The following RBFOX1 variants were observed in gnomAD, a reference collection of about 807,000 sequenced individuals.
The protein encoded by RBFOX1 is RNA binding fox-1 homolog 1, also known as RNA binding protein fox-1 homolog 1.
Under a neutral mutation model 57.7 loss-of-function variants are expected in RBFOX1, and 8 were observed. The observed-to-expected ratio is 0.14, with a 90% CI of 0.08 to 0.25. RBFOX1 has a LOEUF of 0.25. Ranked by LOEUF, RBFOX1 falls within the 10% of genes least tolerant of loss-of-function variation. The pLI is 1.00. For synonymous variants in RBFOX1, 326 were observed against 222.4 expected (o/e 1.47, Z -4.15); for missense variants, 611 against 548.5 (o/e 1.11, Z -1.14).
chr16:5,709,717 A>G (rs1299058880), intron 3 of RBFOX1, among the ~76,000 whole-genome samples: 7 of 144,622 alleles, frequency 4.8e-5, no homozygotes, highest in Non-Finnish European at 7.6e-5. Flanking sequence ...ATTCTATGGT[A>G]TATATATATA....
intron 5 of RBFOX1, among the ~76,000 whole-genome samples, chr16:7,536,670 A>C (rs1395343013): frequency 4.6e-5 from 7 of 152,248 alleles, no homozygotes; most frequent in Admixed American, 3.9e-4. Flanking sequence ...TAGGACAGAC[A>C]GCAGATGTGG....
intron 5 of RBFOX1, among the ~76,000 whole-genome samples, chr16:7,525,116 CTATCTT>C (rs553872348): frequency 6.9e-4 from 105 of 152,318 alleles, no homozygotes; most frequent in Non-Finnish European, 9.6e-4. Context: ...TCCTCTATCT[CTATCTT>C]TATCTCCCTC....
At chr16:5,343,543 G>C (rs960028149) in intron 1 of RBFOX1, among the ~76,000 whole-genome samples, 1 of 151,362 alleles carries the variant, frequency 6.6e-6, no homozygotes, top group African/African-American at 2.4e-5. Context: ...GGATGGTCTT[G>C]ATATCCTGTC....
chr16:7,393,209 C>G (rs1438375218), intron 4 of RBFOX1, among the ~76,000 whole-genome samples: 1 of 152,072 alleles, frequency 6.6e-6, no homozygotes, highest in African/African-American at 2.4e-5. Flanking sequence ...TGCATATAGT[C>G]AATGGTTCTG....
intron 2 of RBFOX1, among the ~76,000 whole-genome samples, chr16:6,335,776 C>CAAAAAAAAAAAAAAAAAAAA (rs57151962): frequency 2.0e-5 from 1 of 50,950 alleles, no homozygotes; most frequent in African/African-American, 5.6e-5. Flanking sequence ...AGACTGTCTC[C>CAAAAAAAAAAAAAAAAAAAA]AAAAAAAAAA....
chr16:5,893,947 G>A (rs1305665195), intron 4 of RBFOX1, among the ~76,000 whole-genome samples: 1 of 152,156 alleles, frequency 6.6e-6, no homozygotes, highest in African/African-American at 2.4e-5. Flanking sequence ...GTCATTCTAA[G>A]GATAATTTAG....
At chr16:7,630,718 A>T (rs773735802) in intron 11 of RBFOX1, 35 bp downstream of exon 11, 1 of 1,612,446 alleles carries the variant, frequency 6.2e-7, no homozygotes. Context: ...TTGTTTTGTG[A>T]CATAAATCTG....
chr16:7,699,218 C>T (rs1038585679), intron 14 of RBFOX1, among the ~76,000 whole-genome samples: 7 of 152,294 alleles, frequency 4.6e-5, no homozygotes, highest in Non-Finnish European at 7.4e-5. Flanking sequence ...GATAGGGTCT[C>T]TGTCATCCAG....
intron 2 of RBFOX1, among the ~76,000 whole-genome samples, chr16:6,537,437 ACACT>A (rs962007695): frequency 2.0e-5 from 3 of 152,240 alleles, no homozygotes; most frequent in Non-Finnish European, 4.4e-5. Context: ...GTATTATTTA[ACACT>A]CACAACAGTA....
chr16:6,391,446 C>G (rs933722688), intron 2 of RBFOX1, among the ~76,000 whole-genome samples: 4 of 150,110 alleles, frequency 2.7e-5, no homozygotes, highest in Non-Finnish European at 4.4e-5. Context: ...GGAGGTGGAG[C>G]TTGCAGTGAG....
chr16:6,800,109 T>A (rs550433992), intron 3 of RBFOX1, among the ~76,000 whole-genome samples: 1 of 152,188 alleles, frequency 6.6e-6, no homozygotes, highest in Non-Finnish European at 1.5e-5. Context: ...GATTGTCTTA[T>A]GCAGATGTAT....
intron 3 of RBFOX1, among the ~76,000 whole-genome samples, chr16:6,833,722 C>G (rs111405712): frequency 0.021 from 3,189 of 152,208 alleles, 105 homozygotes; most frequent in African/African-American, 0.072. Context: ...ACTCTAGATG[C>G]TATGGAATAT....
intron 3 of RBFOX1, among the ~76,000 whole-genome samples, chr16:6,773,240 GTGTGTGTGTGGGCATGGGGTGCATT>G (rs2154215123): frequency 6.9e-6 from 1 of 144,424 alleles, no homozygotes; most frequent in African/African-American, 2.6e-5. Flanking sequence ...GTGCATTTGT[GTGTGTGTGTGGGCATGGGGTGCATT>G]TGTGTGTGTG....
chr16:6,769,947 T>A (rs909712900), intron 3 of RBFOX1, among the ~76,000 whole-genome samples: 2 of 152,200 alleles, frequency 1.3e-5, no homozygotes, highest in African/African-American at 4.8e-5. Flanking sequence ...GAACTGTTCC[T>A]ATCTATGTGC....
At chr16:6,247,000 G>A (rs904534418) in intron 1 of RBFOX1, among the ~76,000 whole-genome samples, 2 of 152,154 alleles carry the variant, frequency 1.3e-5, no homozygotes, top group African/African-American at 4.8e-5. Flanking sequence ...AACCCAGGAA[G>A]TAGAGGTTGT....
intron 3 of RBFOX1, among the ~76,000 whole-genome samples, chr16:6,730,834 C>T (rs946343438): frequency 6.6e-6 from 1 of 152,100 alleles, no homozygotes. Context: ...GGAGCAGAGC[C>T]GCAAGGGGAC....
chr16:7,630,502 A>T (rs557398812), intron 10 of RBFOX1, 101 bp from the exon 11 acceptor site: 9 of 1,555,808 alleles, frequency 5.8e-6, no homozygotes, highest in Admixed American at 5.7e-5. Flanking sequence ...GGATGTGGCT[A>T]TGTTTTCATT....
intron 2 of RBFOX1, among the ~76,000 whole-genome samples, chr16:6,634,948 A>C (rs943279221): frequency 7.1e-6 from 1 of 140,936 alleles, no homozygotes; most frequent in Non-Finnish European, 1.5e-5. Context: ...TTAGTAATTT[A>C]GTTTATAATT....
chr16:5,975,806 G>A lies in RBFOX1; in HGVS notation c.351+108471G>A, dbSNP rs148356056. On this transcript the variant is annotated intron_variant, in intron 4 of 19. Coordinates refer to the RBFOX1 transcript ENST00000641259. ...GTATAATTCAATGAGATATTGAATG[G>A]CTAGCGCTCGACATATAGTAATAAC... 3.2e-4 allele frequency among the ~76,000 whole-genome samples: 48 copies of A among 152,270 alleles called. 1 individual carries two copies. Among genetic ancestry groups the A allele is most frequent in the African/African-American group, 1.1e-3 (46 of 41,550 alleles).
Sources: gnomAD v4.1 joint callset for allele counts (sites outside exome capture counted in the v4.1 genomes callset) on GRCh38, gnomAD v4.1.1 for gene constraint, MANE v1.5 for transcripts, NCBI Gene and HGNC (gene_info 2026-07-23, HGNC 2026-07-21) for gene names.